The following CADM2 variants were observed in gnomAD, a reference collection of about 807,000 sequenced individuals.
The protein encoded by CADM2 is immunoglobulin superfamily member 4D.
Under a neutral mutation model 49.8 loss-of-function variants are expected in CADM2, and 12 were observed. The ratio of observed to expected loss-of-function variants is 0.24; its 90% CI spans 0.15 to 0.39. The LOEUF is 0.39. Ranked by LOEUF, CADM2 falls within the 10% of genes least tolerant of loss-of-function variation. CADM2 has a pLI of 1.00. For synonymous variants in CADM2, 214 were observed against 175.4 expected, an observed-to-expected ratio of 1.22 and a Z score of -1.74; for missense variants, 378 against 492.3, an observed-to-expected ratio of 0.77 and a Z score of 2.20.
intron 8 of CADM2, among the ~76,000 whole-genome samples, chr3:86,006,133 G>A (rs1051238019): frequency 6.6e-6 from 1 of 152,128 alleles, no homozygotes; most frequent in Admixed American, 6.5e-5. Flanking sequence ...GGACATTGAG[G>A]TTGCTTCCAA....
chr3:85,550,966 A>G (rs796331238), intron 1 of CADM2, among the ~76,000 whole-genome samples: 14 of 146,192 alleles, frequency 9.6e-5, no homozygotes, highest in African/African-American at 3.0e-4. Flanking sequence ...TAATTTATTT[A>G]TTTGTTTGTT....
chr3:85,552,002 A>G (rs1188146558), intron 1 of CADM2, among the ~76,000 whole-genome samples: 1 of 104,724 alleles, frequency 9.5e-6, no homozygotes, highest in Non-Finnish European at 2.4e-5. Context: ...TAAAGATTTT[A>G]TATTTGTAGG....
intron 1 of CADM2, among the ~76,000 whole-genome samples, chr3:85,654,198 T>C (rs2065132806): frequency 6.6e-6 from 1 of 152,094 alleles, no homozygotes; most frequent in Non-Finnish European, 1.5e-5. Context: ...GAGGGAAAAA[T>C]AGGTCAGGAG....
chr3:85,571,897 T>C (rs906646636), intron 1 of CADM2, among the ~76,000 whole-genome samples: 4 of 152,224 alleles, frequency 2.6e-5, no homozygotes, highest in Non-Finnish European at 4.4e-5. Context: ...AGTTTAGTCA[T>C]GGTATACAAT....
chr3:85,041,212 C>T (rs1023505377), intron 1 of CADM2, among the ~76,000 whole-genome samples: 8 of 151,986 alleles, frequency 5.3e-5, no homozygotes, highest in African/African-American at 1.2e-4. Context: ...TTCATGTGAA[C>T]GCCAAGTTGC....
At chr3:85,405,607 A>G (rs1264044214) in intron 1 of CADM2, among the ~76,000 whole-genome samples, 2 of 152,148 alleles carry the variant, frequency 1.3e-5, no homozygotes, top group Non-Finnish European at 2.9e-5. Flanking sequence ...TTTGAGATCA[A>G]CGTTGACCTC....
At chr3:85,363,304 A>G (rs866207100) in intron 1 of CADM2, among the ~76,000 whole-genome samples, 2 of 152,188 alleles carry the variant, frequency 1.3e-5, no homozygotes, top group Middle Eastern at 3.2e-3. Context: ...ACAGAGGTAA[A>G]TCAATGAGGT....
At chr3:85,144,556 G>A (rs1490309784) in intron 1 of CADM2, among the ~76,000 whole-genome samples, 2 of 149,248 alleles carry the variant, frequency 1.3e-5, no homozygotes, top group Non-Finnish European at 3.0e-5. Flanking sequence ...AGGTTGCAGT[G>A]AGCCAAGATC....
At chr3:85,751,078 G>C (rs1328091723) in intron 2 of CADM2, among the ~76,000 whole-genome samples, 2 of 152,038 alleles carry the variant, frequency 1.3e-5, no homozygotes, top group Non-Finnish European at 2.9e-5. Flanking sequence ...AAGAATGTAG[G>C]TCAAAATTGG....
At chr3:86,066,288 G>C (rs143244371) in intron 9 of CADM2, among the ~76,000 whole-genome samples, 1,259 of 123,276 alleles carry the variant, frequency 0.01, 15 homozygotes, top group East Asian at 0.065. Context: ...AGCTGAGATC[G>C]TGCCACTGCA....
At chr3:85,001,924 C>A (rs1031541184) in intron 1 of CADM2, among the ~76,000 whole-genome samples, 3 of 152,054 alleles carry the variant, frequency 2.0e-5, no homozygotes, top group Non-Finnish European at 1.5e-5. Flanking sequence ...TTAATAGTTG[C>A]AGAGAAACTT....
At chr3:85,773,928 CT>C (rs1386763763) in intron 2 of CADM2, among the ~76,000 whole-genome samples, 9 of 151,930 alleles carry the variant, frequency 5.9e-5, no homozygotes, top group Non-Finnish European at 1.0e-4. Flanking sequence ...AGACTATTTC[CT>C]TTTCAAAGGG....
intron 1 of CADM2, among the ~76,000 whole-genome samples, chr3:85,527,856 G>A (rs56777875): frequency 0.51 from 78,335 of 152,114 alleles, 23,151 homozygotes; most frequent in East Asian, 0.85. Flanking sequence ...AACGAGGATT[G>A]CATTTTTTCT....
chr3:85,715,904 A>ATT (rs2067274769), intron 1 of CADM2, among the ~76,000 whole-genome samples: 1 of 152,226 alleles, frequency 6.6e-6, no homozygotes, highest in Admixed American at 6.5e-5. Flanking sequence ...CCAGTCTAAC[A>ATT]TTCATGGGCA....
chr3:85,898,955 A>ATTTTTTTTTT lies in CADM2; in HGVS notation c.529+12647_529+12656dup, dbSNP rs35857247. Among the ~76,000 whole-genome samples the ATTTTTTTTTT allele has an allele frequency of 2.1e-4, 7 of 33,908 alleles. 1 individual carries two copies. Among genetic ancestry groups the ATTTTTTTTTT allele is most frequent in the African/African-American group, 4.4e-4 (3 of 6,874 alleles). 22.2% of individuals were successfully genotyped at this position (33,908 alleles called of 152,430 possible). A position where few individuals can be genotyped will look rare whatever the true frequency, so the allele number is the denominator to read the frequency against. Reference sequence around the variant, plus strand: ...TTATTGTGTATATATATATATATATATTTTTTTTTTTTTTTTTTTTTTTTT... The same window carrying ATTTTTTTTTT: ...TTATTGTGTATATATATATATATATATTTTTTTTTTTTTTTTTTTTTTTTTTTTTTTTTTT... On this transcript the variant is annotated intron_variant, in intron 5 of 9. Coordinates refer to ENST00000383699, the MANE Select transcript of CADM2 (RefSeq NM_001167675.2).
chr3:85,601,199 A>C (rs574533745), intron 1 of CADM2, among the ~76,000 whole-genome samples: 1 of 111,826 alleles, frequency 8.9e-6, no homozygotes, highest in Non-Finnish European at 2.0e-5. Context: ...CATACATGTC[A>C]TTTGCTCCCA....
chr3:85,725,776 C>T (rs2067674901), intron 1 of CADM2, among the ~76,000 whole-genome samples: 1 of 151,956 alleles, frequency 6.6e-6, no homozygotes, highest in Non-Finnish European at 1.5e-5. Flanking sequence ...TATGTGTCAA[C>T]CAAGTACCAA....
chr3:85,234,365 T>C (rs1477482966), intron 1 of CADM2, among the ~76,000 whole-genome samples: 1 of 152,136 alleles, frequency 6.6e-6, no homozygotes, highest in East Asian at 1.9e-4. Flanking sequence ...GTACCTTACT[T>C]TGAATTTCTG....
At chr3:86,066,530 C>T in intron 9 of CADM2, 135 bp from the exon 10 acceptor site, 1 of 674,230 alleles carries the variant, frequency 1.5e-6, no homozygotes, top group Non-Finnish European at 2.6e-6. Context: ...AACAGTGCAA[C>T]TTTAGAAGAG....
Sources: allele counts gnomAD v4.1 joint callset (sites outside exome capture counted in the v4.1 genomes callset), GRCh38; gene constraint gnomAD v4.1.1; transcripts MANE v1.5; gene names NCBI Gene and HGNC (gene_info 2026-07-23, HGNC 2026-07-21).